LRRIQ1: variants seen among roughly 807,000 people sequenced by gnomAD.
LRRIQ1 encodes the protein leucine-rich repeat- and IQ domain-containing protein 1.
In LRRIQ1, 210 loss-of-function variants were observed where a neutral mutation model predicts 211.9. That is an observed-to-expected ratio of 0.99 (90% CI 0.89 to 1.11). The LOEUF (loss-of-function observed/expected upper bound fraction) is 1.11, where lower values mean the gene tolerates loss of function less well. Among genes scored for constraint, LRRIQ1 ranks in the 50% most tolerant of loss-of-function variants. The pLI is 0.00. For missense variants in LRRIQ1, 2,136 were observed against 1,939.5 expected, an observed-to-expected ratio of 1.10 and a Z score of -1.90; for synonymous variants, 699 against 650.1, an observed-to-expected ratio of 1.08 and a Z score of -1.14.
the LRRIQ1 span, among the ~76,000 whole-genome samples, chr12:85,270,316 A>G: frequency 1.3e-5 from 2 of 152,254 alleles, no homozygotes; most frequent in Non-Finnish European, 1.5e-5. Flanking sequence ...ATTGTTAATG[A>G]CAGAGTTAGG....
intron 19 of LRRIQ1, among the ~76,000 whole-genome samples, chr12:85,139,132 T>C (rs767020535): frequency 2.0e-4 from 31 of 151,410 alleles, no homozygotes; most frequent in African/African-American, 2.7e-4. Flanking sequence ...TTTCCACCAC[T>C]AAGAAGAATG....
chr12:85,226,702 C>A lies in LRRIQ1; in HGVS notation c.4823-2815C>A, dbSNP rs1209494162. 1.1e-4 allele frequency among the ~76,000 whole-genome samples: 14 copies of A among 123,188 alleles called. No individual in the cohort carries two copies. In the Admixed American group the frequency reaches 1.3e-3, roughly 11 times the overall value. The allele number at this position is 123,188 out of a possible 152,430, so 80.8% of individuals were successfully genotyped here. ...CCCCTCCCCCCACCCCCCAGCAGGC[C>A]CCGGTGTGTGATATTCCCCATCTTT... On this transcript the variant is annotated intron_variant, in intron 24 of 26. Transcript: ENST00000393217.
At chr12:85,263,148 T>C in exon 2 of LRRIQ1, 3 of 763,950 alleles carry the variant, frequency 3.9e-6, no homozygotes, top group Non-Finnish European at 4.8e-6. Context: ...ATACAAGGTT[T>C]TAGACTCCTA....
chr12:85,152,881 C>G, intron 20 of LRRIQ1, 143 bp from the exon 21 acceptor site: 1 of 425,942 alleles, frequency 2.3e-6, no homozygotes, highest in Non-Finnish European at 4.0e-6. Context: ...TAATATATTA[C>G]ATAAATTTCA....
At chr12:85,161,170 G>A (rs1890853234) in intron 24 of LRRIQ1, among the ~76,000 whole-genome samples, 1 of 151,978 alleles carries the variant, frequency 6.6e-6, no homozygotes, top group African/African-American at 2.4e-5. Context: ...CCAACTCACT[G>A]TTGGAGTGAA....
Position 85,038,183 on chromosome 12 carries a change from G to A in LRRIQ1, c.7G>A (p.Asp3Asn), listed in dbSNP as rs1160781620. The A allele has an allele frequency of 4.5e-6, 7 of 1,557,716 alleles. No homozygotes were observed. The highest frequency in any genetic ancestry group is 1.4e-5 in the African/African-American group (1 of 72,484). Residue 3 changes from aspartate to asparagine, a missense_variant, in exon 2 of 27, where the codon GAT becomes AAT. Asp to Asn is a conservative substitution (Grantham distance 23, BLOSUM62 1). Coordinates refer to ENST00000393217, the MANE Select transcript of LRRIQ1 (RefSeq NM_001079910.2). MD[D>N]DDAKLKAEIE... is the part of the protein sequence containing the mutation. ...TGCTTTATTATGAAGAATAATGGAC[G>A]ATGATGATGCAAAGCTCAAAGCAGA...
At chr12:85,143,332 G>A in intron 19 of LRRIQ1, among the ~76,000 whole-genome samples, 1 of 151,518 alleles carries the variant, frequency 6.6e-6, no homozygotes, top group South Asian at 2.1e-4. Flanking sequence ...AGTTGTTTGA[G>A]TTCCTTATAT....
intron 15 of LRRIQ1, among the ~76,000 whole-genome samples, chr12:85,116,589 T>C (rs906046100): frequency 6.6e-6 from 1 of 152,186 alleles, no homozygotes; most frequent in Non-Finnish European, 1.5e-5. Context: ...GGAGCAGATG[T>C]GAAGGTTTGT....
chr12:85,221,106 C>G (rs1294924925), intron 24 of LRRIQ1, among the ~76,000 whole-genome samples: 2 of 152,050 alleles, frequency 1.3e-5, no homozygotes, highest in Non-Finnish European at 2.9e-5. Context: ...GCCACCACGC[C>G]TGGCCTGGTT....
At chr12:85,243,968 C>A (rs1022851098) in intron 26 of LRRIQ1, among the ~76,000 whole-genome samples, 1 of 151,492 alleles carries the variant, frequency 6.6e-6, no homozygotes, top group Non-Finnish European at 1.5e-5. Context: ...TGCATTTTCA[C>A]AGGATTTCAA....
At chr12:85,233,345 T>G (rs945778648) in intron 26 of LRRIQ1, among the ~76,000 whole-genome samples, 41 of 151,842 alleles carry the variant, frequency 2.7e-4, no homozygotes, top group African/African-American at 9.9e-4. Flanking sequence ...ACTGATCACA[T>G]AAAATAAGAA....
intron 11 of LRRIQ1, among the ~76,000 whole-genome samples, chr12:85,095,457 A>G (rs998434473): frequency 1.3e-5 from 2 of 152,212 alleles, no homozygotes; most frequent in African/African-American, 2.4e-5. Context: ...CATCCCAGTA[A>G]TAAAGTGTAC....
chr12:85,094,173 T>C (rs981562997), intron 11 of LRRIQ1, among the ~76,000 whole-genome samples: 9 of 152,192 alleles, frequency 5.9e-5, no homozygotes, highest in African/African-American at 1.9e-4. Context: ...TCTGGAGAGA[T>C]AGCAACCAAA....
chr12:85,172,872 G>T (rs1251815611), intron 24 of LRRIQ1, among the ~76,000 whole-genome samples: 1 of 152,006 alleles, frequency 6.6e-6, no homozygotes, highest in Non-Finnish European at 1.5e-5. Flanking sequence ...ACTTTGTGAA[G>T]CTGAGGCGGG....
intron 7 of LRRIQ1, among the ~76,000 whole-genome samples, chr12:85,055,063 A>G (rs1006423883): frequency 7.2e-5 from 11 of 152,120 alleles, no homozygotes; most frequent in African/African-American, 2.4e-4. Flanking sequence ...TATTGTTTGT[A>G]TGTAGGGACT....
chr12:85,215,568 T>G (rs73365723), intron 24 of LRRIQ1, among the ~76,000 whole-genome samples: 5,470 of 152,128 alleles, frequency 0.036, 320 homozygotes, highest in African/African-American at 0.13. Context: ...TGTTCTCATT[T>G]AGCCCCTACT....
chr12:85,104,347 T>C (rs1211250186), intron 14 of LRRIQ1, among the ~76,000 whole-genome samples: 1 of 151,914 alleles, frequency 6.6e-6, no homozygotes, highest in African/African-American at 2.4e-5. Flanking sequence ...TATAGCCTAA[T>C]GAAGATGAGC....
rs1240077560 is a variant in LRRIQ1, at chr12:85,098,408, T to C, written c.2941T>C (p.Leu981=). 1 of 1,610,536 alleles carries C rather than the reference T, an allele frequency of 6.2e-7. No homozygotes were observed. The highest frequency in any genetic ancestry group is 8.5e-7 in the Non-Finnish European group (1 of 1,178,376). Reference sequence around the variant, plus strand: ...ACAACTAATTTTGGACCACAATCAGTTAATTAATACAAAAGGTCTTTGTGA... The same window carrying C: ...ACAACTAATTTTGGACCACAATCAGCTAATTAATACAAAAGGTCTTTGTGA... ...LQQLILDHNQ[L]INTKGLCDTP... is the part of the protein sequence containing the mutation. Residue 981 remains leucine, a synonymous_variant, in exon 12 of 27, where the codon TTA becomes CTA. Transcript: ENST00000393217.
Position 85,057,066 on chromosome 12 carries a change from A to C in LRRIQ1, c.2273A>C (p.Gln758Pro), listed in dbSNP as rs1456369794. The C allele has an allele frequency of 2.5e-6, 4 of 1,609,434 alleles. No individual in the cohort carries two copies. Among genetic ancestry groups the C allele is most frequent in the Non-Finnish European group, 3.4e-6 (4 of 1,178,446 alleles). ...SFKPWLEIFK[Q>P]NQQKKIVRRK... ...AAACCTTGGCTTGAAATTTTCAAGC[A>C]AAATCAACAAAAGAAAATTGTTAGA... The change falls in exon 8 of 27, where the codon CAA (glutamine) becomes CCA (proline). Residue 758 changes from glutamine (Q) to proline (P), a missense_variant. Transcript: ENST00000393217.
Sources: allele counts gnomAD v4.1 joint callset (sites outside exome capture counted in the v4.1 genomes callset), GRCh38; gene constraint gnomAD v4.1.1; transcripts MANE v1.5; gene names NCBI Gene and HGNC (gene_info 2026-07-23, HGNC 2026-07-21).